Variants in LOC102723971 observed in about 807,000 individuals in gnomAD.
At chr9:135,615,686 G>A in the LOC102723971 span, among the ~76,000 whole-genome samples, 13 of 152,190 alleles carry the variant, frequency 8.5e-5, no homozygotes, top group African/African-American at 1.4e-4. Context: ...GCCCGGCCCC[G>A]GAGGCAACGT....
chr9:135,617,242 G>A, the LOC102723971 span, among the ~76,000 whole-genome samples: 2 of 152,314 alleles, frequency 1.3e-5, no homozygotes, highest in African/African-American at 2.4e-5. Context: ...CATGCAGGAC[G>A]TGCACTGCGG....
At chr9:135,618,572 G>A in the LOC102723971 span, among the ~76,000 whole-genome samples, 27 of 152,032 alleles carry the variant, frequency 1.8e-4, no homozygotes, top group African/African-American at 6.3e-4. Context: ...GGTTTGAGGA[G>A]CATGACCGTG....
chr9:135,619,527 G>A, the LOC102723971 span, among the ~76,000 whole-genome samples: 2,222 of 152,180 alleles, frequency 0.015, 61 homozygotes, highest in African/African-American at 0.047. Flanking sequence ...TCCATGCTCC[G>A]TGAGCAAACG....
chr9:135,615,661 G>T, the LOC102723971 span, among the ~76,000 whole-genome samples: 1 of 152,188 alleles, frequency 6.6e-6, no homozygotes, highest in African/African-American at 2.4e-5. Context: ...GAGGCAGGTG[G>T]GCAGGAAACA....
the LOC102723971 span, chr9:135,614,249 G>A: frequency 7.5e-6 from 3 of 398,636 alleles, no homozygotes; most frequent in Non-Finnish European, 1.3e-5. Context: ...CATGGCCCTG[G>A]AGAAAGGCCC....
At chr9:135,616,806 C>T in the LOC102723971 span, 16 of 398,270 alleles carry the variant, frequency 4.0e-5, no homozygotes, top group South Asian at 9.1e-4. Flanking sequence ...AGCTGTGCAT[C>T]CTCTTGGTGG....
At chr9:135,615,369 G>T in the LOC102723971 span, 8 of 398,504 alleles carry the variant, frequency 2.0e-5, no homozygotes, top group Non-Finnish European at 3.5e-5. Context: ...CAGGTGGAGG[G>T]GCGCTGGCTC....
At chr9:135,619,242 G>T in the LOC102723971 span, among the ~76,000 whole-genome samples, 1 of 152,194 alleles carries the variant, frequency 6.6e-6, no homozygotes, top group Non-Finnish European at 1.5e-5. Context: ...CCCCAGCCTG[G>T]CCTGTGGGCC....
the LOC102723971 span, among the ~76,000 whole-genome samples, chr9:135,618,596 G>A: frequency 5.3e-5 from 8 of 152,066 alleles, no homozygotes; most frequent in East Asian, 1.4e-3. Flanking sequence ...TGTGAGCACG[G>A]GCCGCCAGGG....
chr9:135,615,421 G>A, the LOC102723971 span: 38 of 398,704 alleles, frequency 9.5e-5, no homozygotes, highest in Middle Eastern at 6.2e-4. Flanking sequence ...TGGTCTCCCC[G>A]GCCGACCCCC....
chr9:135,616,875 C>T, the LOC102723971 span: 2 of 398,536 alleles, frequency 5.0e-6, no homozygotes, highest in Non-Finnish European at 8.8e-6. Context: ...AGGAGAGAGG[C>T]ATCGTGCATC....
At chr9:135,615,921 C>A in the LOC102723971 span, among the ~76,000 whole-genome samples, 1 of 152,240 alleles carries the variant, frequency 6.6e-6, no homozygotes, top group Admixed American at 6.5e-5. Context: ...AGAAAATCGG[C>A]CCTGGGGACA....
At chr9:135,616,339 C>A in the LOC102723971 span, among the ~76,000 whole-genome samples, 120 of 152,316 alleles carry the variant, frequency 7.9e-4, no homozygotes, top group African/African-American at 2.8e-3. Flanking sequence ...CTTCGTCACT[C>A]CAGTCCCATC....
the LOC102723971 span, among the ~76,000 whole-genome samples, chr9:135,618,754 G>A: frequency 1.3e-5 from 2 of 151,922 alleles, no homozygotes; most frequent in African/African-American, 2.4e-5. Context: ...CAAGGGGAGT[G>A]GGTTTCCACA....
the LOC102723971 span, among the ~76,000 whole-genome samples, chr9:135,615,928 G>A: frequency 6.6e-6 from 1 of 152,234 alleles, no homozygotes; most frequent in Non-Finnish European, 1.5e-5. Context: ...CGGCCCTGGG[G>A]ACAAGCTACG....
chr9:135,615,728 G>C, the LOC102723971 span, among the ~76,000 whole-genome samples: 3 of 152,212 alleles, frequency 2.0e-5, no homozygotes, highest in Admixed American at 2.0e-4. Context: ...ACTGGGCCAC[G>C]GGCCTGTGTT....
At chr9:135,615,131 T>G in the LOC102723971 span, among the ~76,000 whole-genome samples, 2 of 152,148 alleles carry the variant, frequency 1.3e-5, no homozygotes, top group African/African-American at 2.4e-5. Context: ...CTGACCATGC[T>G]CAGTGCCGAA....
the LOC102723971 span, among the ~76,000 whole-genome samples, chr9:135,616,181 T>C: frequency 0.1 from 15,349 of 152,130 alleles, 896 homozygotes; most frequent in Non-Finnish European, 0.14. Context: ...GCGAGGGGCC[T>C]CTGTCTATGC....
At chr9:135,617,058 T>A in the LOC102723971 span, 1 of 398,526 alleles carries the variant, frequency 2.5e-6, no homozygotes, top group Non-Finnish European at 4.4e-6. Flanking sequence ...GTGCAGTGCC[T>A]CAGACCCCAG....
Sources: allele counts gnomAD v4.1 joint callset (sites outside exome capture counted in the v4.1 genomes callset), GRCh38; gene constraint gnomAD v4.1.1; transcripts MANE v1.5.